The following RALGPS2 variants were observed in gnomAD, a reference collection of about 807,000 sequenced individuals.
The protein encoded by RALGPS2 is Ral GEF with PH domain and SH3 binding motif 2, also known as ras-specific guanine nucleotide-releasing factor RalGPS2.
Under a neutral mutation model 86.8 loss-of-function variants are expected in RALGPS2, and 43 were observed. The ratio of observed to expected loss-of-function variants is 0.50; its 90% CI spans 0.39 to 0.64. RALGPS2 has a LOEUF of 0.64. RALGPS2 is among the 30% of genes least tolerant of loss of function. The pLI is 0.00. For synonymous variants in RALGPS2, 243 were observed against 231.3 expected (o/e 1.05, Z -0.46); for missense variants, 536 against 694.6 (o/e 0.77, Z 2.57).
At chr1:178,916,076 A>G (rs1296485825) in intron 19 of RALGPS2, among the ~76,000 whole-genome samples, 2 of 152,188 alleles carry the variant, frequency 1.3e-5, no homozygotes, top group African/African-American at 2.4e-5. Context: ...TAGACAAGAA[A>G]GATATTGTCT....
intron 17 of RALGPS2, among the ~76,000 whole-genome samples, chr1:178,901,808 AAAAC>A (rs1481035909): frequency 6.6e-6 from 1 of 152,044 alleles, no homozygotes; most frequent in African/African-American, 2.4e-5. Flanking sequence ...ATTCAGAAAA[AAAAC>A]AACAGATTAA....
chr1:178,725,902 G>C (rs1428966626), intron 1 of RALGPS2: 1 of 152,256 alleles, frequency 6.6e-6, no homozygotes, highest in Non-Finnish European at 1.5e-5. Flanking sequence ...CCAGAAGCCT[G>C]GCCGCAGAGT....
chr1:178,736,346 G>C, intron 1 of RALGPS2, among the ~76,000 whole-genome samples: 1 of 151,788 alleles, frequency 6.6e-6, no homozygotes, highest in Non-Finnish European at 1.5e-5. Flanking sequence ...ATTTTCAGTA[G>C]AGTCAGAGCT....
chr1:178,823,796 C>T (rs961731989), intron 7 of RALGPS2, among the ~76,000 whole-genome samples: 7 of 152,128 alleles, frequency 4.6e-5, no homozygotes, highest in Non-Finnish European at 1.0e-4. Flanking sequence ...TTTACACATA[C>T]TGTGTTTGAG....
chr1:178,862,593 T>TTTTTA (rs781776762), intron 8 of RALGPS2, among the ~76,000 whole-genome samples: 2 of 140,656 alleles, frequency 1.4e-5, no homozygotes, highest in South Asian at 2.3e-4. Flanking sequence ...GTTGCATTTT[T>TTTTTA]TTTATTTATT....
At chr1:178,803,599 C>CT (rs976792108) in intron 4 of RALGPS2, among the ~76,000 whole-genome samples, 5 of 151,730 alleles carry the variant, frequency 3.3e-5, no homozygotes, top group African/African-American at 9.7e-5. Context: ...TAAATGTTTT[C>CT]TTTTTTTACA....
intron 8 of RALGPS2, among the ~76,000 whole-genome samples, chr1:178,871,741 A>G (rs1658771024): frequency 6.6e-6 from 1 of 152,170 alleles, no homozygotes; most frequent in Admixed American, 6.6e-5. Flanking sequence ...TCCTCTCTGT[A>G]AAAGGTCATT....
At chr1:178,865,715 C>A in intron 8 of RALGPS2, 1 of 1,613,596 alleles carries the variant, frequency 6.2e-7, no homozygotes. Context: ...TCCACCTCTG[C>A]AATGTCCAGT....
chr1:178,795,501 C>T (rs921801519), intron 4 of RALGPS2, among the ~76,000 whole-genome samples: 3 of 152,098 alleles, frequency 2.0e-5, no homozygotes, highest in Non-Finnish European at 4.4e-5. Flanking sequence ...CAACCTCTGC[C>T]TCCCGGGTTC....
At chr1:178,857,437 TG>T (rs915011747) in intron 8 of RALGPS2, among the ~76,000 whole-genome samples, 12 of 152,108 alleles carry the variant, frequency 7.9e-5, no homozygotes, top group Non-Finnish European at 1.6e-4. Context: ...TAGAGTCAAG[TG>T]GGGGGTGGGA....
At chr1:178,730,952 G>T (rs571101247) in intron 1 of RALGPS2, among the ~76,000 whole-genome samples, 2 of 151,996 alleles carry the variant, frequency 1.3e-5, no homozygotes, top group Non-Finnish European at 2.9e-5. Flanking sequence ...CCCACCTCAG[G>T]CTCCCAGAGT....
intron 14 of RALGPS2, among the ~76,000 whole-genome samples, chr1:178,890,478 A>G (rs1659673331): frequency 5.3e-5 from 8 of 151,964 alleles, no homozygotes; most frequent in Non-Finnish European, 1.5e-5. Context: ...GAAAATGCCT[A>G]TATTCATTAC....
chr1:178,740,445 A>G (rs1366275572), intron 1 of RALGPS2, among the ~76,000 whole-genome samples: 3 of 152,242 alleles, frequency 2.0e-5, no homozygotes, highest in Non-Finnish European at 4.4e-5. Context: ...AGTCAGTTAT[A>G]GAAAACATGG....
chr1:178,906,952 C>CTCT, intron 19 of RALGPS2, 85 bp downstream of exon 19: 1 of 1,148,760 alleles, frequency 8.7e-7, no homozygotes, highest in Non-Finnish European at 1.3e-6. Flanking sequence ...CAGACTAGTT[C>CTCT]TGAATTAACT....
intron 4 of RALGPS2, among the ~76,000 whole-genome samples, chr1:178,793,342 C>T (rs1176534419): frequency 6.6e-6 from 1 of 150,562 alleles, no homozygotes; most frequent in African/African-American, 2.4e-5. Flanking sequence ...CAGAGTTGAG[C>T]TGCAGTTAGT....
intron 1 of RALGPS2, among the ~76,000 whole-genome samples, chr1:178,773,256 G>A: frequency 6.6e-6 from 1 of 152,126 alleles, no homozygotes; most frequent in Non-Finnish European, 1.5e-5. Flanking sequence ...GTGGTGGGAG[G>A]ATTGCTTGAC....
At chr1:178,873,216 T>C (rs754864511) in intron 8 of RALGPS2, among the ~76,000 whole-genome samples, 30 of 152,296 alleles carry the variant, frequency 2.0e-4, no homozygotes, top group Non-Finnish European at 2.8e-4. Flanking sequence ...AGATTTCAGA[T>C]TATTTAGTGT....
intron 7 of RALGPS2, 97 bp downstream of exon 7, chr1:178,821,801 G>C: frequency 2.1e-6 from 2 of 964,550 alleles, no homozygotes; most frequent in Non-Finnish European, 3.1e-6. Context: ...TTAATATAAT[G>C]ATAATCAATA....
At chr1:178,794,244 G>C (rs1377809975) in intron 4 of RALGPS2, among the ~76,000 whole-genome samples, 1 of 152,134 alleles carries the variant, frequency 6.6e-6, no homozygotes, top group Non-Finnish European at 1.5e-5. Flanking sequence ...AGCCTCCAGA[G>C]TAGCTGGGAC....
Sources: allele counts gnomAD v4.1 joint callset (sites outside exome capture counted in the v4.1 genomes callset), GRCh38; gene constraint gnomAD v4.1.1; transcripts MANE v1.5; gene names NCBI Gene and HGNC (gene_info 2026-07-23, HGNC 2026-07-21).